MAPKAP1: variants seen among roughly 807,000 people sequenced by gnomAD.
The protein encoded by MAPKAP1 is MAPK associated protein 1.
Under a neutral mutation model 65.7 loss-of-function variants are expected in MAPKAP1, and 20 were observed. That is an observed-to-expected ratio of 0.30 (90% confidence interval 0.21 to 0.44). The LOEUF (loss-of-function observed/expected upper bound fraction) is 0.44, where lower values mean the gene tolerates loss of function less well. Among genes scored for constraint, MAPKAP1 ranks in the 20% least tolerant of loss-of-function variants. MAPKAP1 has a pLI of 1.00. For synonymous variants in MAPKAP1, 222 were observed against 244.3 expected, an observed-to-expected ratio of 0.91 and a Z score of 0.85; for missense variants, 423 against 648.0, an observed-to-expected ratio of 0.65 and a Z score of 3.77.
chr9:125,648,386 G>C (rs1278009674), intron 4 of MAPKAP1, among the ~76,000 whole-genome samples: 17 of 152,168 alleles, frequency 1.1e-4, no homozygotes, highest in Admixed American at 1.1e-3. Context: ...TCTCACTGAT[G>C]TCAATCACCT....
At chr9:125,643,184 G>A (rs1236412318) in intron 4 of MAPKAP1, among the ~76,000 whole-genome samples, 5 of 146,106 alleles carry the variant, frequency 3.4e-5, no homozygotes, top group Non-Finnish European at 6.0e-5. Context: ...ACTGACATGA[G>A]CCACCACGCC....
chr9:125,506,417 C>T lies in MAPKAP1; in HGVS notation c.959G>A (p.Gly320Asp). 1 of 1,613,674 alleles carries T rather than the reference C, an allele frequency of 6.2e-7. No homozygotes were observed. The highest frequency in any genetic ancestry group is 8.5e-7 in the Non-Finnish European group (1 of 1,179,774). ...KRRKGSQKVS[G>D]PQYRLEKQSE... ...CTGCTTCTCCAGGCGGTACTGAGGGCCTGGAAGATCAAAGGGGCAGGAGGA... is the reference window on the plus strand; with the variant it reads ...CTGCTTCTCCAGGCGGTACTGAGGGTCTGGAAGATCAAAGGGGCAGGAGGA... Residue 320 changes from glycine to aspartate, a missense_variant and splice_region_variant, in exon 8 of 12, where the codon GGC becomes GAC. Coordinates refer to ENST00000265960, the MANE Select transcript of MAPKAP1 (RefSeq NM_001006617.3).
intron 7 of MAPKAP1, 47 bp from the exon 8 acceptor site, chr9:125,506,464 G>C (rs767346949): frequency 6.8e-7 from 1 of 1,464,270 alleles, no homozygotes; most frequent in Non-Finnish European, 9.6e-7. Context: ...CTGAAACAGC[G>C]AATTTAACAT....
chr9:125,633,615 C>A (rs1222963867), intron 4 of MAPKAP1, among the ~76,000 whole-genome samples: 1 of 152,076 alleles, frequency 6.6e-6, no homozygotes, highest in Non-Finnish European at 1.5e-5. Context: ...CATTTCTCTT[C>A]CAGAAAAATG....
At chr9:125,607,161 ATG>A (rs386738549) in intron 4 of MAPKAP1, among the ~76,000 whole-genome samples, 2,959 of 152,366 alleles carry the variant, frequency 0.019, 98 homozygotes, top group African/African-American at 0.068. Context: ...ACTGAATCAT[ATG>A]AAACTGCTGA....
intron 4 of MAPKAP1, among the ~76,000 whole-genome samples, chr9:125,622,942 G>A (rs866358675): frequency 9.9e-5 from 15 of 152,254 alleles, no homozygotes; most frequent in Middle Eastern, 3.4e-3. Context: ...GAATGCCTGC[G>A]ATTGCAGGCA....
chr9:125,648,599 T>C (rs1218867453), intron 4 of MAPKAP1, among the ~76,000 whole-genome samples: 1 of 152,156 alleles, frequency 6.6e-6, no homozygotes, highest in Admixed American at 6.5e-5. Flanking sequence ...ACACATGGCC[T>C]AGTAGTCCTG....
intron 7 of MAPKAP1, among the ~76,000 whole-genome samples, chr9:125,528,370 C>T (rs1362138106): frequency 6.6e-6 from 1 of 152,170 alleles, no homozygotes; most frequent in Admixed American, 6.5e-5. Context: ...ATGAATTTAC[C>T]CAGCCCTTTC....
chr9:125,460,437 T>C (rs1419797982), intron 10 of MAPKAP1, among the ~76,000 whole-genome samples: 4 of 152,150 alleles, frequency 2.6e-5, no homozygotes, highest in Admixed American at 2.6e-4. Flanking sequence ...TTACAGAAAA[T>C]GTAAGAAAAC....
intron 4 of MAPKAP1, among the ~76,000 whole-genome samples, chr9:125,622,974 T>C (rs1832954526): frequency 6.6e-6 from 1 of 152,020 alleles, no homozygotes; most frequent in African/African-American, 2.4e-5. Flanking sequence ...ACCTGATTGG[T>C]TTTGGTGGAG....
At chr9:125,600,591 G>T (rs1832272768) in intron 4 of MAPKAP1, among the ~76,000 whole-genome samples, 1 of 152,200 alleles carries the variant, frequency 6.6e-6, no homozygotes, top group African/African-American at 2.4e-5. Context: ...CTGTTACTCA[G>T]ACCAGGCAGA....
chr9:125,441,932 A>T (rs1423288306), intron 11 of MAPKAP1, among the ~76,000 whole-genome samples: 3 of 152,058 alleles, frequency 2.0e-5, no homozygotes, highest in Non-Finnish European at 4.4e-5. Flanking sequence ...GTTCGAGACC[A>T]GCCTGGCCAA....
intron 7 of MAPKAP1, among the ~76,000 whole-genome samples, chr9:125,510,539 C>T (rs1191320177): frequency 6.6e-6 from 1 of 152,176 alleles, no homozygotes; most frequent in Non-Finnish European, 1.5e-5. Flanking sequence ...TCCATCTTTC[C>T]TTAGGAATAC....
chr9:125,596,292 T>C (rs1832123422), intron 4 of MAPKAP1: 6 of 760,568 alleles, frequency 7.9e-6, no homozygotes, highest in Non-Finnish European at 1.2e-5. Flanking sequence ...TGAAGGTGAC[T>C]TCGGTAGGAA....
At chr9:125,615,459 G>A (rs575062455) in intron 4 of MAPKAP1, among the ~76,000 whole-genome samples, 12 of 150,534 alleles carry the variant, frequency 8.0e-5, no homozygotes, top group African/African-American at 1.5e-4. Flanking sequence ...TTGGAAGGCC[G>A]AGGTGGGTGG....
At chr9:125,591,804 T>C (rs777880340) in intron 4 of MAPKAP1, among the ~76,000 whole-genome samples, 2 of 152,164 alleles carry the variant, frequency 1.3e-5, no homozygotes, top group Non-Finnish European at 2.9e-5. Flanking sequence ...AATTAACTTA[T>C]TTAAAAAAAC....
chr9:125,466,287 C>T (rs558923541), intron 10 of MAPKAP1, among the ~76,000 whole-genome samples: 5 of 152,116 alleles, frequency 3.3e-5, no homozygotes, highest in Non-Finnish European at 7.3e-5. Flanking sequence ...CACCCCGTAC[C>T]CCTGAGGTCT....
intron 1 of MAPKAP1, among the ~76,000 whole-genome samples, chr9:125,690,932 G>A (rs752697892): frequency 2.6e-5 from 4 of 152,174 alleles, no homozygotes; most frequent in African/African-American, 7.2e-5. Context: ...ATGGTTGCAC[G>A]AATTCAAGAA....
intron 4 of MAPKAP1, among the ~76,000 whole-genome samples, chr9:125,620,251 T>C (rs1171641755): frequency 6.6e-6 from 1 of 152,068 alleles, no homozygotes; most frequent in East Asian, 1.9e-4. Context: ...GGAGGTTAAG[T>C]GAGCTGAGAT....
Sources: allele counts gnomAD v4.1 joint callset (sites outside exome capture counted in the v4.1 genomes callset), GRCh38; gene constraint gnomAD v4.1.1; transcripts MANE v1.5; gene names NCBI Gene and HGNC (gene_info 2026-07-23, HGNC 2026-07-21).